Variants in ZNF521 observed in about 807,000 individuals in gnomAD.
ZNF521 encodes the protein zinc finger protein 521.
A neutral mutation model predicts 105.5 loss-of-function variants in ZNF521; 14 were observed. The ratio of observed to expected loss-of-function variants is 0.13; its 90% CI spans 0.09 to 0.21. ZNF521 has a LOEUF of 0.21. ZNF521 is among the 10% of genes least tolerant of loss of function. The pLI is 1.00. For synonymous variants in ZNF521, 635 were observed against 606.0 expected (o/e 1.05, Z -0.70); for missense variants, 1,233 against 1,629.7 (o/e 0.76, Z 4.19).
chr18:25,091,849 A>G, intron 6 of ZNF521, 101 bp downstream of exon 6: 2 of 1,417,414 alleles, frequency 1.4e-6, no homozygotes, highest in Non-Finnish European at 1.9e-6. Context: ...AACTGAAGTC[A>G]TGTCTGTAAA....
chr18:25,297,080 TAC>T (rs951474603), intron 3 of ZNF521, among the ~76,000 whole-genome samples: 3 of 150,942 alleles, frequency 2.0e-5, no homozygotes, highest in South Asian at 2.1e-4. Context: ...TACACACACA[TAC>T]ACACACACAC....
intron 3 of ZNF521, among the ~76,000 whole-genome samples, chr18:25,272,860 T>C (rs563939204): frequency 5.2e-4 from 79 of 152,124 alleles, no homozygotes; most frequent in African/African-American, 1.9e-3. Context: ...TGTATACCTA[T>C]GTAACAAACC....
At chr18:25,160,010 T>C (rs2035221303) in intron 5 of ZNF521, among the ~76,000 whole-genome samples, 1 of 152,132 alleles carries the variant, frequency 6.6e-6, no homozygotes, top group African/African-American at 2.4e-5. Flanking sequence ...AGAAAATGCT[T>C]AAGGAAATAC....
At chr18:25,351,525 G>A (rs1914773353) in intron 1 of ZNF521, 1 of 151,504 alleles carries the variant, frequency 6.6e-6, no homozygotes, top group Middle Eastern at 3.3e-3. Flanking sequence ...CTCTTTTGTA[G>A]TTGGGGGGAC....
In ZNF521 at chr18:25,155,036, C is replaced by T. The variant is rs75205607; in HGVS notation, c.3658+40124G>A. Among the ~76,000 whole-genome samples the T allele has an allele frequency of 7.8e-3, 1,189 of 152,262 alleles. 15 individuals are homozygous for T. Among genetic ancestry groups the T allele is most frequent in the African/African-American group, 0.022 (894 of 41,562 alleles). On this transcript the variant is annotated intron_variant, in intron 5 of 7. Coordinates refer to ENST00000361524, the MANE Select transcript of ZNF521 (RefSeq NM_015461.3). ...AGACAAGGGTTTCCTTTTCTCCATACCCTCATCAACATTTGTGATATCTTG... is the reference window on the plus strand; with the variant it reads ...AGACAAGGGTTTCCTTTTCTCCATATCCTCATCAACATTTGTGATATCTTG...
intron 5 of ZNF521, among the ~76,000 whole-genome samples, chr18:25,150,891 C>CTTTTTTTT (rs559303954): frequency 7.6e-5 from 10 of 132,194 alleles, no homozygotes; most frequent in Non-Finnish European, 9.6e-5. Flanking sequence ...TTTCTTTTTT[C>CTTTTTTTT]TTTTTTTTTT....
At chr18:25,094,727 G>A (rs2033817300) in intron 5 of ZNF521, among the ~76,000 whole-genome samples, 2 of 152,070 alleles carry the variant, frequency 1.3e-5, no homozygotes, top group East Asian at 1.9e-4. Flanking sequence ...ATGAGCAAAA[G>A]CCAATAAGCT....
intron 3 of ZNF521, among the ~76,000 whole-genome samples, chr18:25,281,555 C>G (rs1319048210): frequency 1.3e-5 from 2 of 152,200 alleles, no homozygotes; most frequent in Non-Finnish European, 2.9e-5. Flanking sequence ...TCATTGAACA[C>G]TATGTTCTAA....
At chr18:25,194,036 G>C (rs749691817) in intron 5 of ZNF521, among the ~76,000 whole-genome samples, 28 of 151,684 alleles carry the variant, frequency 1.8e-4, no homozygotes, top group Non-Finnish European at 3.5e-4. Flanking sequence ...TTGAAGTTTT[G>C]TTATAGCTTT....
chr18:25,350,872 T>C (rs1914719449), intron 2 of ZNF521, 35 bp downstream of exon 2: 1 of 1,544,414 alleles, frequency 6.5e-7, no homozygotes, highest in African/African-American at 1.4e-5. Context: ...CACTCGCGGA[T>C]GGGGGAAAGC....
intron 2 of ZNF521, among the ~76,000 whole-genome samples, chr18:25,340,786 G>C (rs1914156733): frequency 6.6e-6 from 1 of 152,240 alleles, no homozygotes; most frequent in South Asian, 2.1e-4. Context: ...TAGGGACACA[G>C]GGACAAAGAT....
intron 2 of ZNF521, among the ~76,000 whole-genome samples, chr18:25,340,549 A>G (rs1165839509): frequency 6.6e-6 from 1 of 152,154 alleles, no homozygotes; most frequent in South Asian, 2.1e-4. Flanking sequence ...AACTCAGTCA[A>G]GTTCACAATT....
chr18:25,290,038 CTG>C, intron 3 of ZNF521, among the ~76,000 whole-genome samples: 1 of 152,116 alleles, frequency 6.6e-6, no homozygotes, highest in Non-Finnish European at 1.5e-5. Context: ...CTGCACACAA[CTG>C]AAATGTTATA....
chr18:25,169,334 A>G (rs2035406732), intron 5 of ZNF521, among the ~76,000 whole-genome samples: 1 of 152,134 alleles, frequency 6.6e-6, no homozygotes, highest in Non-Finnish European at 1.5e-5. Context: ...GGTATTTTCA[A>G]TCCACACTTG....
chr18:25,069,075 G>C (rs1262766527), intron 7 of ZNF521, among the ~76,000 whole-genome samples: 2 of 152,130 alleles, frequency 1.3e-5, no homozygotes, highest in Non-Finnish European at 2.9e-5. Flanking sequence ...TTGGCTTAGA[G>C]CTTTTAGTAC....
In ZNF521 at chr18:25,101,760, A is replaced by G. The variant is rs116273271; in HGVS notation, c.3659-9679T>C. Among the ~76,000 whole-genome samples the G allele has an allele frequency of 5.2e-3, 794 of 152,306 alleles. 5 individuals are homozygous for G. Among genetic ancestry groups the G allele is most frequent in the African/African-American group, 0.018 (743 of 41,586 alleles). ...GAAGCAGCAGGGAGAAAACACTTAC[A>G]GATTTGACCCATGTTCAAAATTTTA... is the stretch of plus-strand genomic sequence containing the variant. On this transcript the variant is annotated intron_variant, in intron 5 of 7. Transcript: ENST00000361524.
chr18:25,067,435 C>T (rs931645059), intron 7 of ZNF521, among the ~76,000 whole-genome samples: 2 of 152,044 alleles, frequency 1.3e-5, no homozygotes, highest in Non-Finnish European at 2.9e-5. Flanking sequence ...ATATGAGATG[C>T]CTTTCATTTT....
At chr18:25,164,305 G>A (rs564486563) in intron 5 of ZNF521, among the ~76,000 whole-genome samples, 20 of 152,270 alleles carry the variant, frequency 1.3e-4, no homozygotes, top group East Asian at 3.9e-4. Context: ...CCAAGTAGTC[G>A]TGACAGGGCA....
At chr18:25,212,314 AG>A (rs974364721) in intron 4 of ZNF521, among the ~76,000 whole-genome samples, 36 of 151,400 alleles carry the variant, frequency 2.4e-4, no homozygotes, top group Non-Finnish European at 5.2e-4. Context: ...GTTCGAGACC[AG>A]CCTGGCCAAC....
Sources: gnomAD v4.1 joint callset for allele counts (sites outside exome capture counted in the v4.1 genomes callset) on GRCh38, gnomAD v4.1.1 for gene constraint, MANE v1.5 for transcripts, NCBI Gene and HGNC (gene_info 2026-07-23, HGNC 2026-07-21) for gene names.